The following SCN8A variants were observed in gnomAD, a reference collection of about 807,000 sequenced individuals.
SCN8A encodes the protein sodium channel protein type 8 subunit alpha.
A neutral mutation model predicts 184.1 loss-of-function variants in SCN8A; 30 were observed. That is an observed-to-expected ratio of 0.16 (90% CI 0.12 to 0.22). SCN8A has a LOEUF of 0.22. Ranked by LOEUF, SCN8A falls within the 10% of genes least tolerant of loss-of-function variation. SCN8A has a pLI of 1.00. For synonymous variants in SCN8A, 852 were observed against 907.0 expected (o/e 0.94, Z 1.09); for missense variants, 1,057 against 2,498.9 (o/e 0.42, Z 12.30).
intron 1 of SCN8A, among the ~76,000 whole-genome samples, chr12:51,615,650 A>G (rs573377605): frequency 1.2e-4 from 19 of 152,208 alleles, no homozygotes; most frequent in African/African-American, 4.6e-4. Flanking sequence ...ATCTACATGC[A>G]TGAAAACCCA....
chr12:51,707,398 G>A (rs570982266), intron 11 of SCN8A, among the ~76,000 whole-genome samples: 1 of 152,302 alleles, frequency 6.6e-6, no homozygotes, highest in African/African-American at 2.4e-5. Flanking sequence ...TCAGGAGCAA[G>A]GAGAGTGAGT....
intron 12 of SCN8A, among the ~76,000 whole-genome samples, chr12:51,727,408 C>CA (rs1347308375): frequency 1.3e-3 from 191 of 146,232 alleles, no homozygotes; most frequent in East Asian, 0.01. Flanking sequence ...CCTCCATTTG[C>CA]AAAAAAAAAC....
intron 1 of SCN8A, among the ~76,000 whole-genome samples, chr12:51,639,524 C>G (rs1368001920): frequency 6.6e-6 from 1 of 152,122 alleles, no homozygotes; most frequent in Middle Eastern, 3.2e-3. Context: ...AAGTGATCCT[C>G]TCACCTCAGC....
At chr12:51,688,705 C>T in intron 5 of SCN8A, 2 of 1,340,528 alleles carry the variant, frequency 1.5e-6, no homozygotes, top group Non-Finnish European at 2.1e-6. Flanking sequence ...CCCCCATTCT[C>T]AAACCCTCGC....
intron 14 of SCN8A, 133 bp downstream of exon 14, chr12:51,751,726 A>G: frequency 3.0e-6 from 2 of 675,134 alleles, no homozygotes; most frequent in South Asian, 2.0e-5. Context: ...ATGCTTCCAC[A>G]TATGCCAGGA....
intron 1 of SCN8A, among the ~76,000 whole-genome samples, chr12:51,639,037 G>T (rs1341265697): frequency 6.6e-6 from 1 of 152,130 alleles, no homozygotes; most frequent in Non-Finnish European, 1.5e-5. Context: ...CTTGAGTGCA[G>T]TGGTGCAATT....
In SCN8A at chr12:51,721,734, C is replaced by G. The variant is rs756753738; in HGVS notation, c.1824C>G (p.Arg608=). ...CCCTCTTCATCCCCATCCGGGCCCG[C>G]GAGCGCCGGAGCAGCTACAGCGGCT... ...RDSLFIPIRA[R]ERRSSYSGYS... The change falls in exon 12 of 27, where the codon CGC becomes CGG. Residue 608 remains arginine, a synonymous_variant. Transcript: ENST00000627620. 3.1e-6 allele frequency: 5 copies of G among 1,600,830 alleles called. No homozygotes were observed. The South Asian group carries it at 3.3e-5, about 11-fold the overall frequency.
chr12:51,786,900 C>A, intron 22 of SCN8A, 74 bp downstream of exon 22: 1 of 1,322,754 alleles, frequency 7.6e-7, no homozygotes, highest in Non-Finnish European at 1.0e-6. Flanking sequence ...CATTTGGCTT[C>A]TTCTCAACCC....
rs12581577 is a variant in SCN8A at position 51,667,384 on chromosome 12, T to G, written c.276+4291T>G. The stretch of plus-strand genomic sequence containing the variant: ...TTTTACTTACTATTATTTTTTTTTT[T>G]GGAGACAGAGTCTAACTCCAAGTTG... On this transcript the variant is annotated intron_variant, in intron 2 of 26. Coordinates refer to ENST00000627620, the MANE Select transcript of SCN8A (RefSeq NM_001330260.2). 7.9e-5 allele frequency among the ~76,000 whole-genome samples: 12 copies of G among 152,166 alleles called. No homozygotes were observed. The East Asian group carries it at 1.9e-3, about 24-fold the overall frequency.
intron 21 of SCN8A, among the ~76,000 whole-genome samples, chr12:51,784,393 A>G (rs1354652311): frequency 1.3e-5 from 2 of 152,080 alleles, no homozygotes; most frequent in Admixed American, 6.5e-5. Context: ...CACCTCTACT[A>G]AAAATACAAA....
At chr12:51,705,694 C>A in intron 10 of SCN8A, 71 bp downstream of exon 10, 1 of 1,350,756 alleles carries the variant, frequency 7.4e-7, no homozygotes. Flanking sequence ...CTGATTTTCA[C>A]TGCAGTTGAT....
intron 1 of SCN8A, among the ~76,000 whole-genome samples, chr12:51,618,800 T>C (rs542326968): frequency 6.6e-6 from 1 of 152,272 alleles, no homozygotes; most frequent in Non-Finnish European, 1.5e-5. Flanking sequence ...AGTGACTAGA[T>C]TGACAGGCCT....
At chr12:51,784,974 G>C (rs962777634) in intron 21 of SCN8A, among the ~76,000 whole-genome samples, 1 of 152,176 alleles carries the variant, frequency 6.6e-6, no homozygotes, top group Non-Finnish European at 1.5e-5. Flanking sequence ...AGAAAGTCAC[G>C]ATCTCCCACC....
At chr12:51,691,669 G>C (rs563650862) in intron 6 of SCN8A, among the ~76,000 whole-genome samples, 1 of 152,072 alleles carries the variant, frequency 6.6e-6, no homozygotes, top group East Asian at 1.9e-4. Flanking sequence ...GGCTAACTGG[G>C]GTGGAAAATA....
At chr12:51,780,586 T>TG in intron 20 of SCN8A, 63 bp from the exon 21 acceptor site, 1 of 321,854 alleles carries the variant, frequency 3.1e-6, no homozygotes, top group Non-Finnish European at 5.2e-6. Context: ...TTTTTTTTTT[T>TG]TTTTTTTTTT....
intron 1 of SCN8A, among the ~76,000 whole-genome samples, chr12:51,648,390 C>T (rs1246138535): frequency 6.6e-6 from 1 of 152,134 alleles, no homozygotes; most frequent in Non-Finnish European, 1.5e-5. Context: ...TATGTAGTCT[C>T]CTAGAGTGGG....
At position 51,808,350 on chromosome 12, in the gene SCN8A, T is replaced by G. The variant is rs1247778255; in HGVS notation, c.*921T>G. 1 of 152,590 alleles carries G rather than the reference T, an allele frequency of 6.6e-6. No homozygotes were observed. The highest frequency in any genetic ancestry group is 1.5e-5 in the Non-Finnish European group (1 of 68,050). 9.5% of individuals were successfully genotyped at this position (152,590 alleles called of 1,614,324 possible). On this transcript the variant is annotated 3_prime_UTR_variant, in exon 27 of 27. Transcript: ENST00000627620. ...AAACCCAATCCAACAAGCAGATGGATCCGTTGCGTGTATATGTTTAACAGA... is the reference window on the plus strand; with the variant it reads ...AAACCCAATCCAACAAGCAGATGGAGCCGTTGCGTGTATATGTTTAACAGA...
chr12:51,699,758 G>C lies in SCN8A; in HGVS notation c.895G>C (p.Gly299Arg). Residue 299 changes from glycine to arginine, a missense_variant, in exon 7 of 27, where the codon GGC becomes CGC. Gly to Arg is a moderately radical substitution (Grantham distance 125). Coordinates refer to ENST00000627620, the MANE Select transcript of SCN8A (RefSeq NM_001330260.2). ...GAGCTATCTTGAAAATGGCACCAAA[G>C]GCTTTGATTGGGAAGAGTATATCAA... The part of the protein sequence containing the change: ...NESYLENGTK[G>R]FDWEEYINNK... The C allele has an allele frequency of 6.2e-7, 1 of 1,613,780 alleles. No individual in the cohort carries two copies. Among genetic ancestry groups the C allele is most frequent in the Non-Finnish European group, 8.5e-7 (1 of 1,179,804 alleles).
Position 51,609,972 on chromosome 12 carries a change from TA to T in SCN8A, c.-55+18621del, listed in dbSNP as rs556182647. On this transcript the variant is annotated intron_variant, in intron 1 of 26. Transcript: ENST00000627620. ...ATGTACCCTAAAACTTAAAGTATAATAAAAAAAATACAATAAAATAAAATAA... is the reference window on the plus strand; with the variant it reads ...ATGTACCCTAAAACTTAAAGTATAATAAAAAAATACAATAAAATAAAATAA... 4.3e-3 allele frequency among the ~76,000 whole-genome samples: 644 copies of T among 150,084 alleles called. 7 individuals are homozygous for T. The highest frequency in any genetic ancestry group is 0.013 in the East Asian group (69 of 5,112).
Sources: gnomAD v4.1 joint callset for allele counts (sites outside exome capture counted in the v4.1 genomes callset) on GRCh38, gnomAD v4.1.1 for gene constraint, MANE v1.5 for transcripts, NCBI Gene and HGNC (gene_info 2026-07-23, HGNC 2026-07-21) for gene names.